Variants in OLFM3 observed in about 807,000 individuals in gnomAD.
The protein encoded by OLFM3 is olfactomedin 3, also known as noelin-3.
A neutral mutation model predicts 48.6 loss-of-function variants in OLFM3; 20 were observed. The ratio of observed to expected loss-of-function variants is 0.41; its 90% CI spans 0.29 to 0.60. The LOEUF is 0.60. Among genes scored for constraint, OLFM3 ranks in the 20% least tolerant of loss-of-function variants. OLFM3 has a pLI of 0.28. For missense variants in OLFM3, 437 were observed against 544.3 expected, an observed-to-expected ratio of 0.80 and a Z score of 1.96; for synonymous variants, 222 against 198.1, an observed-to-expected ratio of 1.12 and a Z score of -1.01.
intron 1 of OLFM3, among the ~76,000 whole-genome samples, chr1:101,933,833 A>T (rs1392245806): frequency 1.3e-5 from 2 of 152,260 alleles, no homozygotes; most frequent in African/African-American, 4.8e-5. Flanking sequence ...GAAAAAAAAA[A>T]TCCGAAGAAG....
At chr1:101,888,168 C>A (rs534318755) in intron 1 of OLFM3, among the ~76,000 whole-genome samples, 144 of 152,132 alleles carry the variant, frequency 9.5e-4, no homozygotes, top group Non-Finnish European at 5.1e-4. Context: ...TCATATAGAA[C>A]CAAAAGAGAG....
chr1:101,874,761 T>A (rs1476516189), intron 1 of OLFM3, among the ~76,000 whole-genome samples: 2 of 151,934 alleles, frequency 1.3e-5, no homozygotes, highest in East Asian at 3.9e-4. Flanking sequence ...TGATACTGTT[T>A]GAGGTATTGA....
intron 1 of OLFM3, among the ~76,000 whole-genome samples, chr1:101,931,139 T>C (rs1247220173): frequency 6.6e-6 from 1 of 152,228 alleles, no homozygotes; most frequent in Non-Finnish European, 1.5e-5. Context: ...GCCATCTCAA[T>C]GGAAGTAAAA....
intron 1 of OLFM3, among the ~76,000 whole-genome samples, chr1:101,960,017 C>A (rs1322088603): frequency 1.3e-5 from 2 of 152,104 alleles, no homozygotes; most frequent in African/African-American, 4.8e-5. Flanking sequence ...AAAAGTGTTT[C>A]TTTTGCAACA....
intron 1 of OLFM3, among the ~76,000 whole-genome samples, chr1:101,942,176 C>T (rs1056170245): frequency 1.3e-4 from 20 of 152,250 alleles, no homozygotes; most frequent in African/African-American, 4.8e-4. Context: ...AAGTGGTAAA[C>T]CCTCGCCCCA....
At chr1:101,860,824 T>C (rs1399683354) in intron 1 of OLFM3, among the ~76,000 whole-genome samples, 2 of 152,056 alleles carry the variant, frequency 1.3e-5, no homozygotes, top group African/African-American at 2.4e-5. Flanking sequence ...ATTCATTAAA[T>C]AAGTGGCTTG....
chr1:101,813,283 A>G (rs1557684042), intron 4 of OLFM3: 1 of 255,184 alleles, frequency 3.9e-6, no homozygotes, highest in East Asian at 1.2e-4. Context: ...GTACTGTACC[A>G]TAACAGCATT....
rs1425413888 is a variant in OLFM3 at position 101,996,846 on chromosome 1, C to T, written c.-30G>A. The T allele has an allele frequency of 6.2e-7, 1 of 1,611,856 alleles. No homozygotes were observed. The highest frequency in any genetic ancestry group is 8.5e-7 in the Non-Finnish European group (1 of 1,178,116). On this transcript the variant is annotated 5_prime_UTR_variant, in exon 1 of 6. Transcript: ENST00000370103. Reference sequence around the variant, plus strand: ...ATCTGGGTTTTTGCCCCTCTTTACTCTCTTTTATGTAGGCTCTCCACTCAC... The same window carrying T: ...ATCTGGGTTTTTGCCCCTCTTTACTTTCTTTTATGTAGGCTCTCCACTCAC...
intron 1 of OLFM3, among the ~76,000 whole-genome samples, chr1:101,992,092 T>A (rs1661427458): frequency 1.3e-5 from 2 of 152,230 alleles, no homozygotes; most frequent in Middle Eastern, 3.4e-3. Context: ...AAGTCACATC[T>A]ATGTATATCA....
intron 3 of OLFM3, among the ~76,000 whole-genome samples, chr1:101,826,554 C>T (rs17470099): frequency 0.13 from 19,126 of 152,088 alleles, 1,625 homozygotes; most frequent in Non-Finnish European, 0.18. Flanking sequence ...CCCATTGCTG[C>T]CCTGATTTAT....
At chr1:101,955,561 C>T (rs1660263870) in intron 1 of OLFM3, among the ~76,000 whole-genome samples, 1 of 151,864 alleles carries the variant, frequency 6.6e-6, no homozygotes, top group Non-Finnish European at 1.5e-5. Flanking sequence ...GTTTTCTTCG[C>T]CCCATGATTT....
At chr1:101,843,325 T>A (rs568464551) in intron 1 of OLFM3, among the ~76,000 whole-genome samples, 14 of 152,290 alleles carry the variant, frequency 9.2e-5, no homozygotes, top group African/African-American at 2.4e-4. Flanking sequence ...TCAACTTTTT[T>A]AATTGCTCTT....
chr1:101,851,684 T>C (rs1656224367), intron 1 of OLFM3, among the ~76,000 whole-genome samples: 1 of 152,106 alleles, frequency 6.6e-6, no homozygotes, highest in African/African-American at 2.4e-5. Context: ...CATTGAAAAG[T>C]CGAGGTAACT....
intron 1 of OLFM3, chr1:101,893,642 T>C: frequency 5.4e-6 from 1 of 184,498 alleles, no homozygotes; most frequent in Non-Finnish European, 1.1e-5. Context: ...TAGTATTGCA[T>C]GGCTTCTGAA....
chr1:101,813,712 C>A (rs1384072823), intron 4 of OLFM3, among the ~76,000 whole-genome samples: 1 of 152,168 alleles, frequency 6.6e-6, no homozygotes, highest in Admixed American at 6.6e-5. Context: ...TAGCTATCTT[C>A]TCTCTGACCA....
intron 1 of OLFM3, among the ~76,000 whole-genome samples, chr1:101,858,281 G>A (rs1466136417): frequency 6.6e-6 from 1 of 151,998 alleles, no homozygotes; most frequent in Admixed American, 6.6e-5. Flanking sequence ...TATTTGAGGA[G>A]CAAGGTCTGT....
Position 101,996,619 on chromosome 1 carries a change from C to T in OLFM3, c.69+129G>A, listed in dbSNP as rs113842928. The stretch of plus-strand genomic sequence containing the variant: ...TGTTATGTTCCAAGCAGTGGGGATA[C>T]GCCAGACACCATAAGGTAGCTGAAA... On this transcript the variant is annotated intron_variant, in intron 1 of 5. Transcript: ENST00000370103. The T allele has an allele frequency of 5.7e-5, 51 of 888,092 alleles. No homozygotes were observed. The African/African-American group carries it at 6.1e-4, about 11-fold the overall frequency. The allele number at this position is 888,092 out of a possible 1,614,324, so 55.0% of individuals were successfully genotyped here. A position where few individuals can be genotyped will look rare whatever the true frequency, so the allele number is the denominator to read the frequency against.
intron 1 of OLFM3, among the ~76,000 whole-genome samples, chr1:101,913,632 T>C (rs1184316806): frequency 1.3e-5 from 2 of 151,482 alleles, no homozygotes; most frequent in African/African-American, 4.9e-5. Context: ...GATCATTTAG[T>C]AACTATTGCC....
chr1:101,930,355 T>G (rs1659408677), intron 1 of OLFM3, among the ~76,000 whole-genome samples: 1 of 152,174 alleles, frequency 6.6e-6, no homozygotes, highest in African/African-American at 2.4e-5. Flanking sequence ...CTGTGAGTTT[T>G]TTTGAAAGGA....
Sources: gnomAD v4.1 joint callset for allele counts (sites outside exome capture counted in the v4.1 genomes callset) on GRCh38, gnomAD v4.1.1 for gene constraint, MANE v1.5 for transcripts, NCBI Gene and HGNC (gene_info 2026-07-23, HGNC 2026-07-21) for gene names.